The following RNF214 variants were observed in gnomAD, a reference collection of about 807,000 sequenced individuals.
RNF214 encodes ring finger protein 214.
Under a neutral mutation model 75.9 loss-of-function variants are expected in RNF214, and 25 were observed. That is an observed-to-expected ratio of 0.33 (90% confidence interval 0.24 to 0.46). The LOEUF (loss-of-function observed/expected upper bound fraction) is 0.46, where lower values mean the gene tolerates loss of function less well. RNF214 is among the 20% of genes least tolerant of loss of function. RNF214 has a pLI of 1.00. For missense variants in RNF214, 725 were observed against 857.5 expected (o/e 0.85, Z 1.93); for synonymous variants, 314 against 308.8 (o/e 1.02, Z -0.18).
chr11:117,274,556 C>T (rs1343444024), intron 6 of RNF214, among the ~76,000 whole-genome samples: 3 of 151,186 alleles, frequency 2.0e-5, no homozygotes, highest in Admixed American at 6.6e-5. Flanking sequence ...TTAGTAGAGA[C>T]GAGGTTTCAC....
chr11:117,244,552 G>C lies in RNF214; in HGVS notation c.786G>C (p.Gln262His). The C allele has an allele frequency of 6.2e-7, 1 of 1,612,220 alleles. No homozygotes were observed. Among genetic ancestry groups the C allele is most frequent in the Non-Finnish European group, 8.5e-7 (1 of 1,179,256 alleles). Residue 262 changes from glutamine (Q) to histidine (H), a missense_variant, in exon 5 of 15, where the codon CAG becomes CAC. This residue lies in a region of RNF214 where 362 missense variants were observed against 344.5 expected (regional missense o/e 1.05). Transcript: ENST00000300650. ...TCCAAGTGCAATTAAAGCAGCTTCA[G>C]CAAAGGAGAGAAGAGGAAATGAAGA... is the stretch of plus-strand genomic sequence containing the variant. ...NQLQVQLKQL[Q>H]QRREEEMKNH... is the part of the protein sequence containing the mutation.
intron 4 of RNF214, among the ~76,000 whole-genome samples, chr11:117,241,396 A>G (rs781162824): frequency 6.6e-6 from 1 of 151,838 alleles, no homozygotes; most frequent in Non-Finnish European, 1.5e-5. Flanking sequence ...CCTGGCCAAT[A>G]TGGTGAAACC....
intron 6 of RNF214, among the ~76,000 whole-genome samples, chr11:117,251,455 G>A (rs1296423444): frequency 3.1e-5 from 4 of 129,546 alleles, no homozygotes; most frequent in African/African-American, 1.3e-4. Flanking sequence ...CCTCCCGGAC[G>A]GGGCGGCTGG....
In RNF214 at chr11:117,283,135, A is replaced by AT; in HGVS notation, c.1972dup (p.Cys658LeufsTer12). On this transcript the variant is annotated frameshift_variant, in exon 14 of 15. Transcript: ENST00000300650. LOFTEE classifies it high-confidence loss of function. ...TACAGGCTCCAGCCACCTGTAAGCT[A>AT]TGTCTAATGTGCCAGAAACTCGTCC... is the stretch of plus-strand genomic sequence containing the variant. 1 of 1,613,994 alleles carries AT rather than the reference A, an allele frequency of 6.2e-7. No homozygotes were observed. Among genetic ancestry groups the AT allele is most frequent in the Non-Finnish European group, 8.5e-7 (1 of 1,179,892 alleles).
chr11:117,232,803 G>A (rs2032742355), intron 1 of RNF214, 77 bp downstream of exon 1: 3 of 151,124 alleles, frequency 2.0e-5, no homozygotes, highest in African/African-American at 7.3e-5. Context: ...GTGGGTGGGG[G>A]TTGCGGGGCG....
chr11:117,282,357 G>A lies in RNF214; in HGVS notation c.1713-47G>A, dbSNP rs772365399. 2.9e-5 allele frequency: 46 copies of A among 1,603,548 alleles called. No homozygotes were observed. The East Asian group carries it at 4.3e-4, about 15-fold the overall frequency. ...AGAGGAGGTTACATGGGTGTTCCCC[G>A]TGGGTATAGCATAGGCTTTCTCTCC... is the stretch of plus-strand genomic sequence containing the variant. On this transcript the variant is annotated intron_variant, in intron 11 of 14. Coordinates refer to ENST00000300650, the MANE Select transcript of RNF214 (RefSeq NM_207343.4).
rs2033000007 is a variant in RNF214 at position 117,239,116 on chromosome 11, A to C, written c.618+5A>C. ...TCTCAGAACATTGCTGTACAGGTCA[A>C]GTGTCAAGTTTCTACTACTAAAATG... On this transcript the variant is annotated splice_donor_5th_base_variant and intron_variant, in intron 3 of 14. Transcript: ENST00000300650. 6.3e-7 allele frequency: 1 copy of C among 1,576,080 alleles called. No homozygotes were observed. The highest frequency in any genetic ancestry group is 1.4e-5 in the African/African-American group (1 of 73,728).
intron 1 of RNF214, among the ~76,000 whole-genome samples, chr11:117,233,123 G>T (rs1041995632): frequency 2.6e-5 from 4 of 152,146 alleles, no homozygotes; most frequent in African/African-American, 9.7e-5. Context: ...AGTTCTTTTT[G>T]GTACACTCGA....
chr11:117,234,270 A>G lies in RNF214; in HGVS notation c.-3A>G, dbSNP rs776633160. ...TAATTTGTTTCTGAATGTACAGAGCATAATGGCAGCGTCTGAGGTTGCTGG... is the reference window on the plus strand; with the variant it reads ...TAATTTGTTTCTGAATGTACAGAGCGTAATGGCAGCGTCTGAGGTTGCTGG... On this transcript the variant is annotated 5_prime_UTR_variant, in exon 2 of 15. Transcript: ENST00000300650. 1.1e-5 allele frequency: 17 copies of G among 1,611,618 alleles called. No homozygotes were observed. The highest frequency in any genetic ancestry group is 9.3e-5 in the African/African-American group (7 of 74,916).
In RNF214 at chr11:117,282,036, T is replaced by C. The variant is rs1165791349; in HGVS notation, c.1478T>C (p.Leu493Pro). The C allele has an allele frequency of 6.2e-7, 1 of 1,613,908 alleles. No homozygotes were observed. ...SLSFPILNPA[L>P]SQPSQPSSPL... ...TCTTTCCCAATCCTGAACCCTGCCCTTTCCCAGCCCAGCCAGCCTTCCTCA... is the reference window on the plus strand; with the variant it reads ...TCTTTCCCAATCCTGAACCCTGCCCCTTCCCAGCCCAGCCAGCCTTCCTCA... Residue 493 changes from leucine (L) to proline (P), a missense_variant, in exon 11 of 15, where the codon CTT becomes CCT. By Grantham distance (98) the Leu-to-Pro change is moderately conservative. Transcript: ENST00000300650.
intron 4 of RNF214, among the ~76,000 whole-genome samples, chr11:117,241,333 G>C (rs1288150416): frequency 6.6e-6 from 1 of 152,038 alleles, no homozygotes; most frequent in Non-Finnish European, 1.5e-5. Flanking sequence ...TGTAATCCTA[G>C]CACTTTGGGA....
chr11:117,270,564 C>T (rs2033889799), intron 6 of RNF214, among the ~76,000 whole-genome samples: 1 of 151,300 alleles, frequency 6.6e-6, no homozygotes, highest in South Asian at 2.1e-4. Flanking sequence ...CCCCACTCCC[C>T]CACCCCCCCG....
chr11:117,285,398 A>T lies in RNF214; in HGVS notation c.*247A>T. ...TTGGGGGATGCAGATTGTAGGGAAG[A>T]TGATGTTTAGTTTGGCCTTGAAATT... On this transcript the variant is annotated 3_prime_UTR_variant, in exon 15 of 15. Transcript: ENST00000300650. The T allele has an allele frequency of 2.9e-6, 1 of 350,438 alleles. No homozygotes were observed. Among genetic ancestry groups the T allele is most frequent in the East Asian group, 5.4e-5 (1 of 18,404 alleles). 21.7% of individuals were successfully genotyped at this position (350,438 alleles called of 1,614,324 possible). A position where few individuals can be genotyped will look rare whatever the true frequency, so the allele number is the denominator to read the frequency against.
chr11:117,240,498 G>A (rs525390), intron 4 of RNF214, among the ~76,000 whole-genome samples: 67,613 of 151,116 alleles, frequency 0.45, 15,864 homozygotes, highest in East Asian at 0.64. Context: ...GACCAAGCTG[G>A]CCAACGTGGT....
At chr11:117,276,045 C>T (rs1192501226) in intron 6 of RNF214, among the ~76,000 whole-genome samples, 1 of 152,206 alleles carries the variant, frequency 6.6e-6, no homozygotes, top group Non-Finnish European at 1.5e-5. Context: ...TCAGCACAAT[C>T]GAGTGGGCTT....
At chr11:117,238,496 C>G in intron 2 of RNF214, 105 bp from the exon 3 acceptor site, 1 of 976,478 alleles carries the variant, frequency 1.0e-6, no homozygotes. Context: ...AAACTAAGTT[C>G]TTTCATTATG....
At chr11:117,281,802 A>T in intron 10 of RNF214, 92 bp from the exon 11 acceptor site, 1 of 1,507,406 alleles carries the variant, frequency 6.6e-7, no homozygotes, top group Non-Finnish European at 9.1e-7. Context: ...ATCCCTATTC[A>T]GTGCAAGAGT....
chr11:117,273,527 C>T (rs1236247839), intron 6 of RNF214, among the ~76,000 whole-genome samples: 2 of 151,908 alleles, frequency 1.3e-5, no homozygotes, highest in Non-Finnish European at 2.9e-5. Flanking sequence ...AGATTAGGGC[C>T]CGAAAATTAA....
intron 8 of RNF214, among the ~76,000 whole-genome samples, chr11:117,280,462 A>G (rs75079230): frequency 0.011 from 1,746 of 152,246 alleles, 36 homozygotes; most frequent in African/African-American, 0.039. Flanking sequence ...CTTCCCTGCT[A>G]CAGTTTTATA....
Sources: gnomAD v4.1 joint callset for allele counts (sites outside exome capture counted in the v4.1 genomes callset) on GRCh38, gnomAD v4.1.1 for gene constraint, gnomAD v4.1.1 regional missense constraint, MANE v1.5 for transcripts, NCBI Gene and HGNC (gene_info 2026-07-23, HGNC 2026-07-21) for gene names.